NXPE2: variants seen among roughly 807,000 people sequenced by gnomAD.
NXPE2 encodes neurexophilin and PC-esterase domain family member 2, also known as NXPE family member 2.
NXPE2 carries 34 observed loss-of-function variants against 34.4 expected under a neutral mutation model. The observed-to-expected ratio is 0.99, with a 90% CI of 0.75 to 1.31. The LOEUF (loss-of-function observed/expected upper bound fraction) is 1.31. NXPE2 is among the 40% of genes most tolerant of loss of function. NXPE2 has a pLI of 0.00. For synonymous variants in NXPE2, 235 were observed against 231.3 expected, an observed-to-expected ratio of 1.02 and a Z score of -0.15; for missense variants, 649 against 672.5, an observed-to-expected ratio of 0.97 and a Z score of 0.39.
chr11:114,807,513 GA>G, the NXPE2 span, among the ~76,000 whole-genome samples: 1 of 150,900 alleles, frequency 6.6e-6, no homozygotes, highest in African/African-American at 2.4e-5. Flanking sequence ...CAAGCAAATG[GA>G]AAACAAAAAA....
At chr11:114,571,345 C>A in the NXPE2 span, 1 of 1,614,004 alleles carries the variant, frequency 6.2e-7, no homozygotes. Flanking sequence ...ATCTCTTTGA[C>A]TGAATAGGTC....
At chr11:114,580,070 C>G in the NXPE2 span, 1 of 1,360,660 alleles carries the variant, frequency 7.3e-7, no homozygotes, top group Non-Finnish European at 1.0e-6. Flanking sequence ...TCCCTTCTCC[C>G]CTTTGAAATG....
At chr11:114,681,653 T>A (rs2135532777) in intron 2 of NXPE2, among the ~76,000 whole-genome samples, 1 of 152,268 alleles carries the variant, frequency 6.6e-6, no homozygotes, top group East Asian at 1.9e-4. Flanking sequence ...TCTGTTTGAT[T>A]TTTTTAACAT....
chr11:114,613,160 C>A, the NXPE2 span, among the ~76,000 whole-genome samples: 2 of 151,528 alleles, frequency 1.3e-5, no homozygotes, highest in East Asian at 3.9e-4. Context: ...CGACTGTTAC[C>A]CGATGGATAA....
chr11:114,775,885 A>AC, the NXPE2 span, among the ~76,000 whole-genome samples: 1 of 147,492 alleles, frequency 6.8e-6, no homozygotes. Flanking sequence ...AAAACGAAAA[A>AC]AAAAAACAAA....
At chr11:114,696,799 A>G (rs768931134) in intron 2 of NXPE2, among the ~76,000 whole-genome samples, 5 of 152,192 alleles carry the variant, frequency 3.3e-5, no homozygotes, top group African/African-American at 4.8e-5. Context: ...AAACCCCTGA[A>G]TATGACCTAC....
chr11:114,616,065 A>G, the NXPE2 span, among the ~76,000 whole-genome samples: 1 of 150,694 alleles, frequency 6.6e-6, no homozygotes, highest in Admixed American at 6.6e-5. Context: ...GTATTGCCTC[A>G]TGGGTAAACA....
At chr11:114,674,262 A>T (rs1950833241), upstream of NXPE2, among the ~76,000 whole-genome samples, 1 of 151,840 alleles carries the variant, frequency 6.6e-6, no homozygotes, top group Non-Finnish European at 1.5e-5. Flanking sequence ...TTTGCCAACC[A>T]AATAACCTTA....
the NXPE2 span, among the ~76,000 whole-genome samples, chr11:114,601,891 T>TATTATATAATTATATATAA: frequency 8.6e-5 from 5 of 57,848 alleles, no homozygotes; most frequent in East Asian, 1.1e-3. Context: ...TAATTATATA[T>TATTATATAATTATATATAA]TATATTTATA....
the NXPE2 span, among the ~76,000 whole-genome samples, chr11:114,747,259 G>A: frequency 9.9e-5 from 15 of 152,056 alleles, no homozygotes; most frequent in Admixed American, 9.8e-4. Flanking sequence ...TGACTCCCTG[G>A]TAACACTCAG....
chr11:114,651,099 ATAT>A, the NXPE2 span, among the ~76,000 whole-genome samples: 1 of 103,502 alleles, frequency 9.7e-6, no homozygotes, highest in Non-Finnish European at 2.4e-5. Context: ...AATATTACAT[ATAT>A]TATATATAAT....
chr11:114,753,505 A>G, the NXPE2 span, among the ~76,000 whole-genome samples: 1 of 152,238 alleles, frequency 6.6e-6, no homozygotes, highest in Non-Finnish European at 1.5e-5. Flanking sequence ...CCTTTAAAAA[A>G]GTTATGCTGA....
the NXPE2 span, among the ~76,000 whole-genome samples, chr11:114,725,894 T>C: frequency 6.7e-6 from 1 of 149,990 alleles, no homozygotes; most frequent in Non-Finnish European, 1.5e-5. Context: ...TCCTAGAGAG[T>C]GGCTATCTTG....
chr11:114,792,472 ACT>A, the NXPE2 span, among the ~76,000 whole-genome samples: 3 of 151,776 alleles, frequency 2.0e-5, no homozygotes, highest in African/African-American at 7.3e-5. Context: ...TCTTTTAATA[ACT>A]CTCTGCTCCC....
chr11:114,535,488 A>G, the NXPE2 span, among the ~76,000 whole-genome samples: 62 of 152,342 alleles, frequency 4.1e-4, no homozygotes, highest in Non-Finnish European at 7.3e-4. Flanking sequence ...ACAGACTGGC[A>G]AATTGGATAA....
the NXPE2 span, among the ~76,000 whole-genome samples, chr11:114,633,959 G>A: frequency 3.3e-5 from 5 of 152,050 alleles, no homozygotes; most frequent in South Asian, 2.1e-4. Context: ...ATGATTTATA[G>A]CCCTTTGGGT....
At chr11:114,585,240 A>G in the NXPE2 span, among the ~76,000 whole-genome samples, 1 of 151,802 alleles carries the variant, frequency 6.6e-6, no homozygotes. Context: ...CTCCACCTGC[A>G]GAATTGGGGG....
At chr11:114,562,577 T>A in the NXPE2 span, among the ~76,000 whole-genome samples, 1 of 152,242 alleles carries the variant, frequency 6.6e-6, no homozygotes, top group African/African-American at 2.4e-5. Flanking sequence ...TATTTAATTA[T>A]GCCATTTTCC....
the NXPE2 span, among the ~76,000 whole-genome samples, chr11:114,637,769 T>C: frequency 6.6e-6 from 1 of 151,780 alleles, no homozygotes; most frequent in Admixed American, 6.6e-5. Flanking sequence ...AATTCTTCTC[T>C]TTAAGAATGT....
Sources: allele counts gnomAD v4.1 joint callset (sites outside exome capture counted in the v4.1 genomes callset), GRCh38; gene constraint gnomAD v4.1.1; transcripts MANE v1.5; gene names NCBI Gene and HGNC (gene_info 2026-07-23, HGNC 2026-07-21).